Variants in NAA50 observed in about 807,000 individuals in gnomAD.
NAA50 encodes the protein N-alpha-acetyltransferase 50, NatE catalytic subunit, also known as N-alpha-acetyltransferase 50.
In NAA50, 7 loss-of-function variants were observed where a neutral mutation model predicts 20.7. The ratio of observed to expected loss-of-function variants is 0.34; its 90% CI spans 0.19 to 0.63. The LOEUF is 0.63. NAA50 is among the 30% of genes least tolerant of loss of function. NAA50 has a pLI of 0.75. For missense variants in NAA50, 111 were observed against 199.1 expected (o/e 0.56, Z 2.66); for synonymous variants, 54 against 70.6 (o/e 0.77, Z 1.18).
intron 1 of NAA50, among the ~76,000 whole-genome samples, chr3:113,734,459 G>A (rs993833887): frequency 6.6e-6 from 1 of 152,008 alleles, no homozygotes; most frequent in Admixed American, 6.6e-5. Context: ...TAAGATAAAA[G>A]CTGAAAAAGA....
rs757941850 is a variant in NAA50 at position 113,717,443 on chromosome 3, T to C, written c.*4317A>G. 6.6e-6 allele frequency: 1 copy of C among 152,206 alleles called. No individual in the cohort carries two copies. The highest frequency in any genetic ancestry group is 1.5e-5 in the Non-Finnish European group (1 of 68,042). The allele number at this position is 152,206 out of a possible 1,614,324, so 9.4% of individuals were successfully genotyped here. A position where few individuals can be genotyped will look rare whatever the true frequency, so the allele number is the denominator to read the frequency against. ...GTAACAGATCGTTCTCTGACTTAAATAATTCTCAATGTTCTACCAAGTTAA... is the reference window on the plus strand; with the variant it reads ...GTAACAGATCGTTCTCTGACTTAAACAATTCTCAATGTTCTACCAAGTTAA... On this transcript the variant is annotated 3_prime_UTR_variant, in exon 5 of 5. Transcript: ENST00000240922.
rs1169098145 is a variant in NAA50 at position 113,719,816 on chromosome 3, T to TA, written c.*1943dup. Reference sequence around the variant, plus strand: ...AGTCCAGGTGAAATGGTTATAGAAATAGAGGCAGTGTCATCTCAGAAAACC... The same window carrying TA: ...AGTCCAGGTGAAATGGTTATAGAAATAAGAGGCAGTGTCATCTCAGAAAACC... On this transcript the variant is annotated 3_prime_UTR_variant, in exon 5 of 5. Coordinates refer to ENST00000240922, the MANE Select transcript of NAA50 (RefSeq NM_025146.4). 6.6e-6 allele frequency: 1 copy of TA among 152,620 alleles called. No homozygotes were observed. The highest frequency in any genetic ancestry group is 1.5e-5 in the Non-Finnish European group (1 of 68,000). The allele number at this position is 152,620 out of a possible 1,614,324, so 9.5% of individuals were successfully genotyped here.
chr3:113,717,545 C>T lies in NAA50; in HGVS notation c.*4215G>A, dbSNP rs1708072101. On this transcript the variant is annotated 3_prime_UTR_variant, in exon 5 of 5. Transcript: ENST00000240922. ...TACTTGGCTGTATCATAAACTAGGACTAAGTTCCTACAGTTCAGTCTTGCA... is the reference window on the plus strand; with the variant it reads ...TACTTGGCTGTATCATAAACTAGGATTAAGTTCCTACAGTTCAGTCTTGCA... 6.6e-6 allele frequency: 1 copy of T among 152,158 alleles called. No homozygotes were observed. The highest frequency in any genetic ancestry group is 6.5e-5 in the Admixed American group (1 of 15,276). 9.4% of individuals were successfully genotyped at this position (152,158 alleles called of 1,614,324 possible).
At chr3:113,733,659 C>T (rs537320481) in intron 1 of NAA50, among the ~76,000 whole-genome samples, 4 of 151,850 alleles carry the variant, frequency 2.6e-5, no homozygotes, top group Admixed American at 2.6e-4. Flanking sequence ...TAAGACCAGC[C>T]TGGCCAACAT....
intron 1 of NAA50, among the ~76,000 whole-genome samples, chr3:113,735,573 A>G (rs1708330960): frequency 6.6e-6 from 1 of 152,258 alleles, no homozygotes; most frequent in Non-Finnish European, 1.5e-5. Context: ...GTAACAATGT[A>G]GACTATCTTA....
In NAA50 at chr3:113,742,456, C is replaced by T. The variant is rs190194020; in HGVS notation, c.8+3486G>A. Among the ~76,000 whole-genome samples, 47 of 146,368 alleles carry T rather than the reference C, an allele frequency of 3.2e-4. 1 individual carries two copies. The highest frequency in any genetic ancestry group is 5.5e-4 in the Non-Finnish European group (37 of 67,088). On this transcript the variant is annotated intron_variant, in intron 1 of 4. Coordinates refer to ENST00000240922, the MANE Select transcript of NAA50 (RefSeq NM_025146.4). ...TTTTTTTTTTTTTGAGACAGAGTCT[C>T]ACTCTGTCGCCCAGGCAGGAATGCA...
chr3:113,742,652 A>C (rs1335711926), intron 1 of NAA50, among the ~76,000 whole-genome samples: 1 of 152,096 alleles, frequency 6.6e-6, no homozygotes, highest in Non-Finnish European at 1.5e-5. Flanking sequence ...CGGAGTTTTT[A>C]AAGTTTTGTT....
At position 113,716,750 on chromosome 3, in the gene NAA50, A is replaced by C. The variant is rs1708054864; in HGVS notation, c.*5010T>G. 6.6e-6 allele frequency: 1 copy of C among 152,224 alleles called. No individual in the cohort carries two copies. The highest frequency in any genetic ancestry group is 1.5e-5 in the Non-Finnish European group (1 of 68,034). The allele number at this position is 152,224 out of a possible 1,614,324, so 9.4% of individuals were successfully genotyped here. ...AACAAGTAAAACTGGGATGAAATTA[A>C]AGCTATGTGGCAAATTAGTTTCAGT... On this transcript the variant is annotated 3_prime_UTR_variant, in exon 5 of 5. Coordinates refer to ENST00000240922, the MANE Select transcript of NAA50 (RefSeq NM_025146.4).
chr3:113,734,842 T>C (rs1194465675), intron 1 of NAA50, among the ~76,000 whole-genome samples: 1 of 152,206 alleles, frequency 6.6e-6, no homozygotes, highest in Non-Finnish European at 1.5e-5. Flanking sequence ...ATAGTTTTTT[T>C]TTCCATCAAA....
intron 1 of NAA50, among the ~76,000 whole-genome samples, chr3:113,732,614 G>A (rs1708285104): frequency 6.6e-6 from 1 of 152,162 alleles, no homozygotes; most frequent in African/African-American, 2.4e-5. Context: ...TGTCTTTGTG[G>A]TGTGTCTGTT....
At position 113,723,470 on chromosome 3, in the gene NAA50, A is replaced by G. The variant is rs1255985359; in HGVS notation, c.217T>C (p.Tyr73His). The stretch of plus-strand genomic sequence containing the variant: ...GCCAGACATCCTAGTGTCATGATGT[A>G]AAGTCTCTTCTGATTCTGTGAATGA... Reference protein sequence around the residue: ...VDHSQNQKRLYIMTLGCLAPY... With the variant: ...VDHSQNQKRLHIMTLGCLAPY... The change falls in exon 3 of 5, where the codon TAC becomes CAC. Residue 73 changes from tyrosine to histidine, a missense_variant. By Grantham distance (83) the Tyr-to-His change is moderately conservative. Coordinates refer to ENST00000240922, the MANE Select transcript of NAA50 (RefSeq NM_025146.4). The G allele has an allele frequency of 1.9e-6, 3 of 1,613,098 alleles. No homozygotes were observed. Among genetic ancestry groups the G allele is most frequent in the Non-Finnish European group, 2.5e-6 (3 of 1,179,446 alleles).
chr3:113,728,975 C>T (rs73226543), intron 1 of NAA50, among the ~76,000 whole-genome samples: 10,455 of 151,678 alleles, frequency 0.069, 498 homozygotes, highest in Non-Finnish European at 0.1. Flanking sequence ...TCTTGATACA[C>T]TTTTTTCCTT....
rs1384682517 is a variant in NAA50, at chr3:113,720,858, A to AG, written c.*901dup. The AG allele has an allele frequency of 6.6e-6, 1 of 152,518 alleles. No homozygotes were observed. Among genetic ancestry groups the AG allele is most frequent in the Non-Finnish European group, 1.5e-5 (1 of 67,998 alleles). The allele number at this position is 152,518 out of a possible 1,614,324, so 9.4% of individuals were successfully genotyped here. A position where few individuals can be genotyped will look rare whatever the true frequency, so the allele number is the denominator to read the frequency against. On this transcript the variant is annotated 3_prime_UTR_variant, in exon 5 of 5. Coordinates refer to ENST00000240922, the MANE Select transcript of NAA50 (RefSeq NM_025146.4). ...GAAAACACCTGCTTCAGGTTTATTT[A>AG]GGGGTAGTGACCTATAAGGACATCA...
At chr3:113,737,191 T>C (rs1288388867) in intron 1 of NAA50, among the ~76,000 whole-genome samples, 1 of 152,218 alleles carries the variant, frequency 6.6e-6, no homozygotes, top group Non-Finnish European at 1.5e-5. Flanking sequence ...AGAGATCTAT[T>C]GGTAAACATT....
intron 1 of NAA50, among the ~76,000 whole-genome samples, chr3:113,729,914 C>G (rs1370466984): frequency 6.6e-6 from 1 of 151,992 alleles, no homozygotes; most frequent in Non-Finnish European, 1.5e-5. Flanking sequence ...TTTCTTTTTA[C>G]TTTTCCTTGT....
chr3:113,720,306 G>A lies in NAA50; in HGVS notation c.*1454C>T, dbSNP rs541318687. On this transcript the variant is annotated 3_prime_UTR_variant, in exon 5 of 5. Coordinates refer to ENST00000240922, the MANE Select transcript of NAA50 (RefSeq NM_025146.4). ...TTTACATAAGAGGATAAATATGAAT[G>A]AAACTTCCTTTTAAAGTCAAATGAC... 10 of 152,464 alleles carry A rather than the reference G, an allele frequency of 6.6e-5. No individual in the cohort carries two copies. The East Asian group carries it at 1.9e-3, about 29-fold the overall frequency. 9.4% of individuals were successfully genotyped at this position (152,464 alleles called of 1,614,324 possible). A position where few individuals can be genotyped will look rare whatever the true frequency, so the allele number is the denominator to read the frequency against.
intron 2 of NAA50, among the ~76,000 whole-genome samples, 171 bp downstream of exon 2, chr3:113,723,788 T>A (rs1349520438): frequency 6.6e-6 from 1 of 152,156 alleles, no homozygotes; most frequent in African/African-American, 2.4e-5. Context: ...ATTCAACTGT[T>A]TTATTCAACT....
Position 113,717,030 on chromosome 3 carries a change from C to T in NAA50, c.*4730G>A, listed in dbSNP as rs1210067443. ...ACTGAGCAAGGAAAATACCTTGATT[C>T]ATTCTAGATAGAAAACATTTTACTG... is the stretch of plus-strand genomic sequence containing the variant. On this transcript the variant is annotated 3_prime_UTR_variant, in exon 5 of 5. Coordinates refer to ENST00000240922, the MANE Select transcript of NAA50 (RefSeq NM_025146.4). 1 of 152,124 alleles carries T rather than the reference C, an allele frequency of 6.6e-6. No homozygotes were observed. Among genetic ancestry groups the T allele is most frequent in the Non-Finnish European group, 1.5e-5 (1 of 68,008 alleles). The allele number at this position is 152,124 out of a possible 1,614,324, so 9.4% of individuals were successfully genotyped here.
intron 1 of NAA50, among the ~76,000 whole-genome samples, chr3:113,726,690 G>A (rs2107986418): frequency 6.6e-6 from 1 of 150,912 alleles, no homozygotes; most frequent in African/African-American, 2.4e-5. Flanking sequence ...GTTGCAGTGA[G>A]CCAAGATCGC....
Sources: gnomAD v4.1 joint callset for allele counts (sites outside exome capture counted in the v4.1 genomes callset) on GRCh38, gnomAD v4.1.1 for gene constraint, MANE v1.5 for transcripts, NCBI Gene and HGNC (gene_info 2026-07-23, HGNC 2026-07-21) for gene names.